Variants in KIF13B observed in about 807,000 individuals in gnomAD.
The protein encoded by KIF13B is kinesin-like protein KIF13B.
Under a neutral mutation model 222.0 loss-of-function variants are expected in KIF13B, and 127 were observed. The observed-to-expected ratio is 0.57, with a 90% CI of 0.50 to 0.66. The LOEUF is 0.66. Among genes scored for constraint, KIF13B ranks in the 30% least tolerant of loss-of-function variants. The pLI is 0.00. For missense variants in KIF13B, 2,173 were observed against 2,379.0 expected, an observed-to-expected ratio of 0.91 and a Z score of 1.80; for synonymous variants, 976 against 919.0, an observed-to-expected ratio of 1.06 and a Z score of -1.12.
intron 35 of KIF13B, among the ~76,000 whole-genome samples, chr8:29,102,508 T>C (rs1405366693): frequency 1.3e-5 from 2 of 152,218 alleles, no homozygotes; most frequent in Non-Finnish European, 1.5e-5. Context: ...AGGGGCAAAG[T>C]GGACAAAGTA....
chr8:29,150,993 G>A (rs990525643), intron 14 of KIF13B, among the ~76,000 whole-genome samples: 1 of 152,172 alleles, frequency 6.6e-6, no homozygotes, highest in Admixed American at 6.5e-5. Context: ...ACCAAGACAG[G>A]ACGAAAAGCC....
chr8:29,194,344 T>C (rs1465812779), intron 3 of KIF13B, among the ~76,000 whole-genome samples: 2 of 152,002 alleles, frequency 1.3e-5, no homozygotes, highest in Admixed American at 6.6e-5. Flanking sequence ...AACAGTGACA[T>C]TTCTTATTCC....
intron 2 of KIF13B, among the ~76,000 whole-genome samples, chr8:29,203,684 A>T (rs1813799061): frequency 6.6e-6 from 1 of 152,130 alleles, no homozygotes; most frequent in Admixed American, 6.6e-5. Context: ...CAAGGTCAGG[A>T]GTTCGAGACC....
chr8:29,169,130 C>G (rs189147689), intron 10 of KIF13B, among the ~76,000 whole-genome samples: 2 of 152,324 alleles, frequency 1.3e-5, no homozygotes, highest in East Asian at 3.9e-4. Context: ...AAAGGCTTTT[C>G]CAATCTTATT....
intron 6 of KIF13B, among the ~76,000 whole-genome samples, chr8:29,184,398 A>T (rs1404891344): frequency 6.6e-6 from 1 of 152,268 alleles, no homozygotes; most frequent in South Asian, 2.1e-4. Flanking sequence ...ACTGTATGCC[A>T]GCAAATGTTC....
chr8:29,127,017 TTCAC>T, intron 25 of KIF13B, 101 bp downstream of exon 25: 1 of 988,972 alleles, frequency 1.0e-6, no homozygotes. Context: ...AACAAAGAGA[TTCAC>T]GGAAAGAAAT....
chr8:29,192,137 C>A (rs2130356141), intron 3 of KIF13B, among the ~76,000 whole-genome samples: 1 of 152,260 alleles, frequency 6.6e-6, no homozygotes, highest in South Asian at 2.1e-4. Flanking sequence ...TTCTCAAGGC[C>A]CAATGTCTCC....
intron 4 of KIF13B, 38 bp from the exon 5 acceptor site, chr8:29,188,645 C>T (rs1481113766): frequency 3.2e-5 from 41 of 1,300,954 alleles, no homozygotes; most frequent in Non-Finnish European, 4.4e-5. Context: ...TATTTTAAGC[C>T]AAAACTACAT....
At position 29,197,332 on chromosome 8, in the gene KIF13B, G is replaced by A. The variant is rs1431239378; in HGVS notation, c.150-1133C>T. Among the ~76,000 whole-genome samples, 213 of 57,504 alleles carry A rather than the reference G, an allele frequency of 3.7e-3. 1 individual carries two copies. Among genetic ancestry groups the A allele is most frequent in the African/African-American group, 0.013 (199 of 15,712 alleles). The allele number at this position is 57,504 out of a possible 152,430, so 37.7% of individuals were successfully genotyped here. On this transcript the variant is annotated intron_variant, in intron 2 of 39. Coordinates refer to ENST00000524189, the MANE Select transcript of KIF13B (RefSeq NM_015254.4). ...AGCCTGGGCGACAGAGCGAGACTCC[G>A]TCTCAAAAAAAAAAAAAAAAAAAAA...
intron 2 of KIF13B, among the ~76,000 whole-genome samples, chr8:29,239,141 C>T (rs920858562): frequency 1.3e-5 from 2 of 152,176 alleles, no homozygotes; most frequent in South Asian, 2.1e-4. Context: ...CGCCCAGCCC[C>T]CCAAACCATA....
At chr8:29,140,725 T>C (rs1810780849) in intron 19 of KIF13B, 108 bp from the exon 20 acceptor site, 1 of 1,003,060 alleles carries the variant, frequency 1.0e-6, no homozygotes, top group South Asian at 1.7e-5. Context: ...ACTTTCATCA[T>C]CCTAACTCTT....
In KIF13B at chr8:29,142,353, G is replaced by T. The variant is rs80349097; in HGVS notation, c.2188-50C>A. ...TGAGAAACACACAGGCAGCGGGGAA[G>T]TCAAAGCTGACAATTCCACCCCCAT... On this transcript the variant is annotated intron_variant, in intron 18 of 39. Transcript: ENST00000524189. 9.8e-4 allele frequency: 1,501 copies of T among 1,539,464 alleles called. 14 individuals are homozygous for T. In the African/African-American group the frequency reaches 0.018, roughly 19 times the overall value.
At chr8:29,109,361 G>T in intron 34 of KIF13B, 73 bp downstream of exon 34, 1 of 1,195,556 alleles carries the variant, frequency 8.4e-7, no homozygotes, top group Non-Finnish European at 1.2e-6. Context: ...GACGGGTGGA[G>T]AAGAGTTACC....
chr8:29,092,007 C>T (rs1808321708), intron 37 of KIF13B, among the ~76,000 whole-genome samples: 2 of 152,254 alleles, frequency 1.3e-5, no homozygotes, highest in Non-Finnish European at 2.9e-5. Context: ...ACCTGGATTA[C>T]TGCAACTTGA....
chr8:29,146,551 A>G lies in KIF13B; in HGVS notation c.2025-11T>C, dbSNP rs1811069003. 1 of 1,610,102 alleles carries G rather than the reference A, an allele frequency of 6.2e-7. No individual in the cohort carries two copies. ...TTCAACGTTGCTTCTCTAAAAAAAA[A>G]TAAAGAAGCGGCAGAGGTAGGGAAG... On this transcript the variant is annotated splice_polypyrimidine_tract_variant and intron_variant, in intron 17 of 39. Coordinates refer to ENST00000524189, the MANE Select transcript of KIF13B (RefSeq NM_015254.4).
chr8:29,072,155 C>T lies in KIF13B; in HGVS notation c.4683G>A (p.Leu1561=), dbSNP rs746399541. ...AGAAGTACCCGCTAGAGGCTTCACT[C>T]AGGGGGCTGGGGGGCCCGTCCTGTG... ...PEAQDGPPSP[L]SEASSGYFSH... The change falls in exon 39 of 40, where the codon CTG becomes CTA. Residue 1561 remains leucine, a synonymous_variant. Coordinates refer to ENST00000524189, the MANE Select transcript of KIF13B (RefSeq NM_015254.4). The T allele has an allele frequency of 1.4e-6, 2 of 1,416,338 alleles. No individual in the cohort carries two copies. Among genetic ancestry groups the T allele is most frequent in the East Asian group, 5.6e-5 (2 of 35,586 alleles). The allele number at this position is 1,416,338 out of a possible 1,614,324, so 87.7% of individuals were successfully genotyped here.
At chr8:29,245,031 C>G (rs965670234) in intron 2 of KIF13B, among the ~76,000 whole-genome samples, 2 of 152,210 alleles carry the variant, frequency 1.3e-5, no homozygotes, top group African/African-American at 4.8e-5. Context: ...TGCTAAGGAA[C>G]CGACTTACAT....
intron 35 of KIF13B, among the ~76,000 whole-genome samples, chr8:29,100,931 T>C (rs557259857): frequency 6.6e-6 from 1 of 152,314 alleles, no homozygotes; most frequent in South Asian, 2.1e-4. Flanking sequence ...ATCTGGGTCC[T>C]GCGCACCTCA....
intron 37 of KIF13B, among the ~76,000 whole-genome samples, chr8:29,090,101 T>C (rs915301232): frequency 6.6e-6 from 1 of 152,146 alleles, no homozygotes; most frequent in African/African-American, 2.4e-5. Flanking sequence ...GCGCTTCACA[T>C]GCTTATAGGC....
Sources: allele counts gnomAD v4.1 joint callset (sites outside exome capture counted in the v4.1 genomes callset), GRCh38; gene constraint gnomAD v4.1.1; transcripts MANE v1.5; gene names NCBI Gene and HGNC (gene_info 2026-07-23, HGNC 2026-07-21).